The following APBA2 variants were observed in gnomAD, a reference collection of about 807,000 sequenced individuals.
The protein encoded by APBA2 is amyloid beta precursor protein binding family A member 2.
Under a neutral mutation model 75.0 loss-of-function variants are expected in APBA2, and 30 were observed. That is an observed-to-expected ratio of 0.40 (90% CI 0.30 to 0.54). The LOEUF is 0.54. Ranked by LOEUF, APBA2 falls within the 20% of genes least tolerant of loss-of-function variation. APBA2 has a pLI of 0.49. For synonymous variants in APBA2, 444 were observed against 409.6 expected, an observed-to-expected ratio of 1.08 and a Z score of -1.01; for missense variants, 801 against 1,016.1, an observed-to-expected ratio of 0.79 and a Z score of 2.88.
At chr15:29,003,586 G>C (rs1394624144) in intron 3 of APBA2, among the ~76,000 whole-genome samples, 2 of 152,204 alleles carry the variant, frequency 1.3e-5, no homozygotes, top group African/African-American at 2.4e-5. Context: ...TAGGAGAAAG[G>C]CTTGGTCTAT....
chr15:28,920,496 G>C (rs530473301), intron 1 of APBA2, among the ~76,000 whole-genome samples: 1 of 152,196 alleles, frequency 6.6e-6, no homozygotes, highest in South Asian at 2.1e-4. Context: ...CCCACACCAC[G>C]GTAGGAGCAG....
At chr15:29,106,860 C>T (rs369174827) in intron 12 of APBA2, 41 bp downstream of exon 12, 2 of 1,576,646 alleles carry the variant, frequency 1.3e-6, no homozygotes, top group East Asian at 2.3e-5. Context: ...TCACCTCAAC[C>T]CTGCCTCACT....
At chr15:28,893,274 T>A (rs537882713) in intron 1 of APBA2, among the ~76,000 whole-genome samples, 1 of 152,360 alleles carries the variant, frequency 6.6e-6, no homozygotes, top group East Asian at 1.9e-4. Flanking sequence ...GCAACTGTTC[T>A]GCTACAGTAA....
intron 3 of APBA2, among the ~76,000 whole-genome samples, chr15:29,003,944 CCT>C (rs2038981527): frequency 6.6e-6 from 1 of 152,176 alleles, no homozygotes; most frequent in Non-Finnish European, 1.5e-5. Flanking sequence ...TGGCTGATTG[CCT>C]AGCCAAGTCA....
At position 28,910,546 on chromosome 15, in the gene APBA2, G is replaced by C. The variant is rs146253561; in HGVS notation, c.-204-11094G>C. Among the ~76,000 whole-genome samples the C allele has an allele frequency of 8.0e-3, 1,211 of 152,318 alleles. 16 individuals carry two copies. Among genetic ancestry groups the C allele is most frequent in the African/African-American group, 0.028 (1,160 of 41,568 alleles). On this transcript the variant is annotated intron_variant, in intron 1 of 14. Transcript: ENST00000683413. ...ATCCGAGTATTTCCCACCCATGGAG[G>C]GGGTGGTGAAGGAGTTTTCAGTCCT...
At chr15:29,081,929 A>G (rs1229286508) in intron 6 of APBA2, among the ~76,000 whole-genome samples, 1 of 152,236 alleles carries the variant, frequency 6.6e-6, no homozygotes, top group Non-Finnish European at 1.5e-5. Context: ...CCAGGAGCAC[A>G]GCAACTCTGA....
At chr15:28,942,751 C>T (rs376101705) in intron 2 of APBA2, among the ~76,000 whole-genome samples, 7 of 152,334 alleles carry the variant, frequency 4.6e-5, no homozygotes, top group Admixed American at 2.0e-4. Context: ...GAGTGAGCGT[C>T]TGTTGGAGAC....
At chr15:28,914,353 G>C (rs1359699463) in intron 1 of APBA2, among the ~76,000 whole-genome samples, 5 of 152,178 alleles carry the variant, frequency 3.3e-5, no homozygotes, top group African/African-American at 1.2e-4. Context: ...AAGAAGATCT[G>C]TATATACAAA....
intron 2 of APBA2, among the ~76,000 whole-genome samples, chr15:28,983,481 A>G (rs1031264582): frequency 6.6e-6 from 1 of 152,060 alleles, no homozygotes; most frequent in Non-Finnish European, 1.5e-5. Flanking sequence ...CCAATACATT[A>G]TTTTCTAGAG....
In APBA2 at chr15:29,117,642, G is replaced by C. The variant is rs1403117097; in HGVS notation, c.*509G>C. ...ACGGGCAGCCTGGCTCCCAGGACAC[G>C]ACTTGTAATGAAAGTTTGGGGACAT... is the stretch of plus-strand genomic sequence containing the variant. On this transcript the variant is annotated 3_prime_UTR_variant, in exon 15 of 15. Transcript: ENST00000683413. 6.2e-6 allele frequency: 1 copy of C among 161,670 alleles called. No individual in the cohort carries two copies. The highest frequency in any genetic ancestry group is 2.4e-5 in the African/African-American group (1 of 41,302). 10.0% of individuals were successfully genotyped at this position (161,670 alleles called of 1,614,324 possible).
chr15:28,982,383 G>A (rs568842943), intron 2 of APBA2, among the ~76,000 whole-genome samples: 71 of 152,288 alleles, frequency 4.7e-4, no homozygotes, highest in African/African-American at 1.7e-3. Flanking sequence ...GACATTTGAT[G>A]TAACTAAGTA....
intron 4 of APBA2, among the ~76,000 whole-genome samples, chr15:29,056,979 G>T (rs547589344): frequency 1.7e-3 from 258 of 152,056 alleles, no homozygotes; most frequent in Non-Finnish European, 2.8e-3. Context: ...GCTTTCCTAA[G>T]AACAATCCCC....
At chr15:28,967,069 G>A (rs1262009442) in intron 2 of APBA2, among the ~76,000 whole-genome samples, 1 of 152,136 alleles carries the variant, frequency 6.6e-6, no homozygotes, top group Non-Finnish European at 1.5e-5. Context: ...CTCTTTTTCT[G>A]TTTGAAGACA....
At chr15:28,984,756 C>CT (rs1555386628) in intron 2 of APBA2, among the ~76,000 whole-genome samples, 5 of 137,614 alleles carry the variant, frequency 3.6e-5, no homozygotes, top group African/African-American at 1.5e-4. Context: ...CTATCTCTCT[C>CT]CCCCCCCACC....
intron 4 of APBA2, among the ~76,000 whole-genome samples, chr15:29,067,647 A>G (rs1346328261): frequency 2.0e-5 from 3 of 152,174 alleles, no homozygotes; most frequent in Non-Finnish European, 4.4e-5. Context: ...CGTTAAATCC[A>G]CCATCAAATA....
chr15:29,089,763 A>G (rs1394453574), intron 6 of APBA2, among the ~76,000 whole-genome samples: 3 of 152,156 alleles, frequency 2.0e-5, no homozygotes, highest in South Asian at 2.1e-4. Context: ...GTGCAGATAC[A>G]CTGTGCATAT....
At chr15:29,089,930 C>G (rs1441584168) in intron 6 of APBA2, among the ~76,000 whole-genome samples, 1 of 152,182 alleles carries the variant, frequency 6.6e-6, no homozygotes, top group African/African-American at 2.4e-5. Context: ...ACAGCAATTT[C>G]TACCCAAACA....
At chr15:29,115,135 G>C (rs1221828753) in intron 14 of APBA2, among the ~76,000 whole-genome samples, 1 of 151,928 alleles carries the variant, frequency 6.6e-6, no homozygotes, top group Non-Finnish European at 1.5e-5. Context: ...GGGCCCGCTG[G>C]GGACCGGGCA....
At chr15:28,957,339 T>C (rs1169371283) in intron 2 of APBA2, among the ~76,000 whole-genome samples, 3 of 152,140 alleles carry the variant, frequency 2.0e-5, no homozygotes, top group Admixed American at 6.5e-5. Context: ...CCTCCCAAAG[T>C]GCTGGGATTG....
Sources: allele counts gnomAD v4.1 joint callset (sites outside exome capture counted in the v4.1 genomes callset), GRCh38; gene constraint gnomAD v4.1.1; transcripts MANE v1.5; gene names NCBI Gene and HGNC (gene_info 2026-07-23, HGNC 2026-07-21).